Variants in DLG2 observed in about 807,000 individuals in gnomAD.
The protein encoded by DLG2 is disks large homolog 2.
DLG2 carries 45 observed loss-of-function variants against 132.5 expected under a neutral mutation model. The ratio of observed to expected loss-of-function variants is 0.34; its 90% CI spans 0.27 to 0.44. The LOEUF (loss-of-function observed/expected upper bound fraction) is 0.44, where lower values mean the gene tolerates loss of function less well. DLG2 is among the 20% of genes least tolerant of loss of function. DLG2 has a pLI of 1.00. For missense variants in DLG2, 1,045 were observed against 1,196.9 expected (o/e 0.87, Z 1.87); for synonymous variants, 424 against 419.6 (o/e 1.01, Z -0.13).
chr11:83,835,914 C>A (rs1452855081), intron 16 of DLG2, among the ~76,000 whole-genome samples: 1 of 152,126 alleles, frequency 6.6e-6, no homozygotes, highest in African/African-American at 2.4e-5. Context: ...CACACACACA[C>A]CCCTATGGTA....
At chr11:85,474,019 T>C (rs777527916) in intron 3 of DLG2, among the ~76,000 whole-genome samples, 6 of 152,020 alleles carry the variant, frequency 3.9e-5, no homozygotes, top group Non-Finnish European at 4.4e-5. Flanking sequence ...CTACTTAAAA[T>C]ATAGATAGTC....
Position 84,240,966 on chromosome 11 carries a change from C to T in DLG2, c.573+10272G>A, listed in dbSNP as rs115412402. ...CAAAAAAGGCCTTCACAATCAGACT[C>T]AACCCAACCTCATATTATGCTATTG... is the stretch of plus-strand genomic sequence containing the variant. On this transcript the variant is annotated intron_variant, in intron 8 of 27. Coordinates refer to ENST00000376104, the MANE Select transcript of DLG2 (RefSeq NM_001142699.3). Among the ~76,000 whole-genome samples the T allele has an allele frequency of 2.2e-3, 341 of 152,312 alleles. 1 individual carries two copies. The highest frequency in any genetic ancestry group is 7.1e-3 in the African/African-American group (295 of 41,566).
intron 6 of DLG2, among the ~76,000 whole-genome samples, chr11:84,614,868 C>T (rs1433553716): frequency 1.3e-5 from 2 of 152,130 alleles, no homozygotes; most frequent in Non-Finnish European, 2.9e-5. Flanking sequence ...AAAGCAGTTA[C>T]ATCAATTGTG....
Position 85,573,047 on chromosome 11 carries a change from G to A in DLG2, c.40+25610C>T, listed in dbSNP as rs949337291. Among the ~76,000 whole-genome samples, 6 of 152,090 alleles carry A rather than the reference G, an allele frequency of 3.9e-5. No individual in the cohort carries two copies. The South Asian group carries it at 6.2e-4, about 16-fold the overall frequency. ...AAAGTGTGTGGCATCTCCCCTTCCC[G>A]TACACTCTCTCTTGATCCTGCTTTC... On this transcript the variant is annotated intron_variant, in intron 3 of 27. Coordinates refer to ENST00000376104, the MANE Select transcript of DLG2 (RefSeq NM_001142699.3).
At chr11:85,253,726 G>A (rs2076519683) in intron 4 of DLG2, among the ~76,000 whole-genome samples, 1 of 152,136 alleles carries the variant, frequency 6.6e-6, no homozygotes, top group Non-Finnish European at 1.5e-5. Context: ...GTATCCAGGA[G>A]GAATGAGATC....
intron 9 of DLG2, among the ~76,000 whole-genome samples, chr11:84,121,802 C>G (rs1480146886): frequency 1.3e-5 from 2 of 151,576 alleles, no homozygotes; most frequent in Non-Finnish European, 2.9e-5. Context: ...ACCTTGTGAT[C>G]TGCCCGCCTC....
chr11:83,867,183 A>G (rs1474122840), intron 16 of DLG2, among the ~76,000 whole-genome samples: 1 of 151,992 alleles, frequency 6.6e-6, no homozygotes, highest in Non-Finnish European at 1.5e-5. Flanking sequence ...AAACACATAC[A>G]AGTTTGGGGA....
chr11:84,973,001 A>G (rs886851186), intron 6 of DLG2, among the ~76,000 whole-genome samples: 1 of 142,312 alleles, frequency 7.0e-6, no homozygotes, highest in Non-Finnish European at 1.5e-5. Context: ...CTTTTTGCCC[A>G]GGCTGGAGGG....
intron 4 of DLG2, among the ~76,000 whole-genome samples, chr11:85,202,285 A>G (rs1595346278): frequency 6.6e-6 from 1 of 152,140 alleles, no homozygotes; most frequent in East Asian, 1.9e-4. Context: ...AAGGTTAAAG[A>G]CAAAGAGGAT....
intron 7 of DLG2, among the ~76,000 whole-genome samples, chr11:84,383,712 G>A (rs947958814): frequency 1.3e-5 from 2 of 152,030 alleles, no homozygotes; most frequent in African/African-American, 4.8e-5. Context: ...AATACATTCT[G>A]TTAACAATCC....
At chr11:84,769,451 G>T (rs1390841577) in intron 6 of DLG2, among the ~76,000 whole-genome samples, 1 of 151,962 alleles carries the variant, frequency 6.6e-6, no homozygotes, top group Non-Finnish European at 1.5e-5. Context: ...TATTTTTAAT[G>T]AACAAAGTCT....
chr11:84,108,586 T>C lies in DLG2; in HGVS notation c.625-9539A>G, dbSNP rs146703548. ...AGCTTGACTTGTTCAAGAAACTAAATTGAGACCAGAATAGCTATGCAGTGG... is the reference window on the plus strand; with the variant it reads ...AGCTTGACTTGTTCAAGAAACTAAACTGAGACCAGAATAGCTATGCAGTGG... On this transcript the variant is annotated intron_variant, in intron 9 of 27. Transcript: ENST00000376104. Among the ~76,000 whole-genome samples the C allele has an allele frequency of 8.4e-4, 128 of 151,944 alleles. 2 individuals carry two copies. The highest frequency in any genetic ancestry group is 6.7e-3 in the South Asian group (32 of 4,798).
At chr11:84,650,879 A>ACACATACATATATATATACATATATAC (rs529292020) in intron 6 of DLG2, among the ~76,000 whole-genome samples, 1 of 85,294 alleles carries the variant, frequency 1.2e-5, no homozygotes, top group South Asian at 4.6e-4. Flanking sequence ...GTGTGTATAT[A>ACACATACATATATATATACATATATAC]TATATATATA....
intron 8 of DLG2, among the ~76,000 whole-genome samples, chr11:84,246,423 T>C (rs1486703499): frequency 1.3e-5 from 2 of 152,176 alleles, no homozygotes; most frequent in Admixed American, 6.5e-5. Flanking sequence ...TGTGTTCAAG[T>C]AACTCTTATT....
At chr11:83,515,782 C>T (rs962945053) in intron 21 of DLG2, among the ~76,000 whole-genome samples, 1 of 152,126 alleles carries the variant, frequency 6.6e-6, no homozygotes, top group Non-Finnish European at 1.5e-5. Context: ...TCGTTATGTA[C>T]CTAGTAGTCA....
chr11:83,567,181 TC>T (rs1270621532), intron 19 of DLG2, among the ~76,000 whole-genome samples: 1 of 152,152 alleles, frequency 6.6e-6, no homozygotes, highest in Non-Finnish European at 1.5e-5. Flanking sequence ...CTCAGCATTC[TC>T]AACCTCAGAA....
At chr11:84,648,702 C>A (rs903366265) in intron 6 of DLG2, among the ~76,000 whole-genome samples, 3 of 151,940 alleles carry the variant, frequency 2.0e-5, no homozygotes, top group African/African-American at 4.8e-5. Context: ...ATACCTCCCT[C>A]AACCCCCGCC....
chr11:84,210,808 G>A (rs1221966981), intron 8 of DLG2, among the ~76,000 whole-genome samples: 1 of 152,068 alleles, frequency 6.6e-6, no homozygotes, highest in Non-Finnish European at 1.5e-5. Context: ...AATGAAGAAA[G>A]AAATCAGGAT....
chr11:85,396,409 A>C (rs1596887243), intron 3 of DLG2, among the ~76,000 whole-genome samples: 1 of 152,142 alleles, frequency 6.6e-6, no homozygotes, highest in African/African-American at 2.4e-5. Context: ...AGGGAACAAA[A>C]CTGGACAGAG....
Sources: allele counts gnomAD v4.1 joint callset (sites outside exome capture counted in the v4.1 genomes callset), GRCh38; gene constraint gnomAD v4.1.1; transcripts MANE v1.5; gene names NCBI Gene and HGNC (gene_info 2026-07-23, HGNC 2026-07-21).